The following SGSM2 variants were observed in gnomAD, a reference collection of about 807,000 sequenced individuals.
The protein encoded by SGSM2 is small G protein signaling modulator 2.
SGSM2 carries 89 observed loss-of-function variants against 126.6 expected under a neutral mutation model. That is an observed-to-expected ratio of 0.70 (90% CI 0.59 to 0.84). The LOEUF is 0.84. Ranked by LOEUF, SGSM2 falls within the 40% of genes least tolerant of loss-of-function variation. The pLI is 0.00. For missense variants in SGSM2, 1,404 were observed against 1,416.6 expected, an observed-to-expected ratio of 0.99 and a Z score of 0.14; for synonymous variants, 614 against 574.3, an observed-to-expected ratio of 1.07 and a Z score of -0.99.
intron 18 of SGSM2, 117 bp downstream of exon 18, chr17:2,375,992 G>GT: frequency 6.6e-7 from 1 of 1,514,306 alleles, no homozygotes; most frequent in Non-Finnish European, 8.8e-7. Context: ...CTGGAAGGGA[G>GT]TTCTGAGCCC....
chr17:2,337,536 C>A lies in SGSM2; in HGVS notation c.-153C>A. ...CGGAAGATGGCTGCGGAGCCGAGCA[C>A]CGGGCAGTGGCTGCGGCGGCGGCGG... On this transcript the variant is annotated 5_prime_UTR_variant, in exon 1 of 24. Coordinates refer to ENST00000268989, the MANE Select transcript of SGSM2 (RefSeq NM_014853.3). The surrounding 1 kb of genome is among the most constrained non-coding windows in gnomAD (Gnocchi z 5.1). 4.2e-6 allele frequency: 1 copy of A among 236,786 alleles called. No individual in the cohort carries two copies. The highest frequency in any genetic ancestry group is 7.2e-6 in the Non-Finnish European group (1 of 139,160). The allele number at this position is 236,786 out of a possible 1,614,324, so 14.7% of individuals were successfully genotyped here. A position where few individuals can be genotyped will look rare whatever the true frequency, so the allele number is the denominator to read the frequency against.
chr17:2,358,221 G>A (rs747951317), intron 2 of SGSM2, among the ~76,000 whole-genome samples: 6 of 152,314 alleles, frequency 3.9e-5, no homozygotes, highest in East Asian at 3.9e-4. Context: ...AGCTTGGGCC[G>A]TCATGTGGAC....
In SGSM2 at chr17:2,362,281, C is replaced by T. The variant is rs1232765293; in HGVS notation, c.458+11C>T. 12 of 1,602,648 alleles carry T rather than the reference C, an allele frequency of 7.5e-6. No individual in the cohort carries two copies. Among genetic ancestry groups the T allele is most frequent in the South Asian group, 3.3e-5 (3 of 90,230 alleles). On this transcript the variant is annotated intron_variant, in intron 4 of 23. Transcript: ENST00000268989. The surrounding 1 kb of genome is among the most constrained non-coding windows in gnomAD (Gnocchi z 4.9). ...GGCGGAAAACTGCAGGTGACCGCCC[C>T]GTTCCCCAAAAACTGCAGGTGACCA...
At chr17:2,369,850 C>A (rs1261660263) in intron 12 of SGSM2, among the ~76,000 whole-genome samples, 1 of 152,200 alleles carries the variant, frequency 6.6e-6, no homozygotes, top group East Asian at 1.9e-4. Context: ...TCCCCTTCTT[C>A]CCAGAGTCTC....
intron 1 of SGSM2, among the ~76,000 whole-genome samples, chr17:2,340,863 C>T (rs939825627): frequency 3.3e-5 from 5 of 152,220 alleles, no homozygotes; most frequent in Non-Finnish European, 5.9e-5. Flanking sequence ...GGATTATAGT[C>T]GTGAGCCACC....
chr17:2,372,555 G>A lies in SGSM2; in HGVS notation c.1788+67G>A. The A allele has an allele frequency of 6.4e-7, 1 of 1,562,930 alleles. No homozygotes were observed. The highest frequency in any genetic ancestry group is 8.6e-7 in the Non-Finnish European group (1 of 1,157,412). On this transcript the variant is annotated intron_variant, in intron 15 of 23. Transcript: ENST00000268989. This position sits in a 1 kb window ranked among gnomAD's most constrained non-coding sequence, Gnocchi z 6.0. ...GGGCGGGCAGGAGTGAGGGCTTCAG[G>A]GTAAAATGTGCCAGTGGGTGCGGTT...
chr17:2,362,202 A>G lies in SGSM2; in HGVS notation c.390A>G (p.Val130=), dbSNP rs373998365. 3 of 1,613,466 alleles carry G rather than the reference A, an allele frequency of 1.9e-6. No homozygotes were observed. Among genetic ancestry groups the G allele is most frequent in the Non-Finnish European group, 2.5e-6 (3 of 1,179,828 alleles). ...PALSPQALKH[V]WVRTALIEKV... ...TCAGCCCTCAGGCCTTGAAACACGT[A>G]TGGGTACGCACGGCGCTCATCGAGA... The change falls in exon 4 of 24, where the codon GTA becomes GTG. Residue 130 remains valine, a synonymous_variant. Transcript: ENST00000268989. This position sits in a 1 kb window ranked among gnomAD's most constrained non-coding sequence, Gnocchi z 4.9.
chr17:2,347,156 A>G (rs965366380), intron 2 of SGSM2, among the ~76,000 whole-genome samples: 2 of 152,034 alleles, frequency 1.3e-5, no homozygotes, highest in African/African-American at 4.8e-5. Flanking sequence ...CCCAGGCTGG[A>G]GTTCTGTGGT....
Position 2,372,699 on chromosome 17 carries a change from C to G in SGSM2, c.1788+211C>G. On this transcript the variant is annotated intron_variant, in intron 15 of 23. Transcript: ENST00000268989. This position sits in a 1 kb window ranked among gnomAD's most constrained non-coding sequence, Gnocchi z 6.0. ...GGAAGCCGTCCTGCCTCCACATCGCCCTGTGACCCTGGACAAAGCTTTGCC... is the reference window on the plus strand; with the variant it reads ...GGAAGCCGTCCTGCCTCCACATCGCGCTGTGACCCTGGACAAAGCTTTGCC... 1 of 811,626 alleles carries G rather than the reference C, an allele frequency of 1.2e-6. No individual in the cohort carries two copies. Among genetic ancestry groups the G allele is most frequent in the Non-Finnish European group, 1.9e-6 (1 of 516,198 alleles). The allele number at this position is 811,626 out of a possible 1,614,324, so 50.3% of individuals were successfully genotyped here. A position where few individuals can be genotyped will look rare whatever the true frequency, so the allele number is the denominator to read the frequency against.
chr17:2,344,717 T>A (rs941460434), intron 2 of SGSM2, among the ~76,000 whole-genome samples: 1 of 151,888 alleles, frequency 6.6e-6, no homozygotes, highest in Non-Finnish European at 1.5e-5. Flanking sequence ...AAAAAACATG[T>A]GGGAGGGCAG....
At chr17:2,361,093 T>C (rs2065289655) in intron 2 of SGSM2, among the ~76,000 whole-genome samples, 1 of 152,124 alleles carries the variant, frequency 6.6e-6, no homozygotes, top group South Asian at 2.1e-4. Flanking sequence ...CCCTAAACCA[T>C]GAATGAATGG....
chr17:2,339,663 G>T (rs184855313), intron 1 of SGSM2, among the ~76,000 whole-genome samples: 2 of 149,510 alleles, frequency 1.3e-5, no homozygotes, highest in African/African-American at 5.0e-5. Context: ...AGCCCAGATC[G>T]TGCCACTGCA....
intron 1 of SGSM2, among the ~76,000 whole-genome samples, chr17:2,341,863 C>T (rs561169148): frequency 6.6e-6 from 1 of 152,184 alleles, no homozygotes; most frequent in Non-Finnish European, 1.5e-5. Context: ...AAATCCCAAA[C>T]ATTTGTTCAC....
rs147437438 is a variant in SGSM2, at chr17:2,373,054, C to A, written c.1890C>A (p.Phe630Leu). 48 of 1,609,566 alleles carry A rather than the reference C, an allele frequency of 3.0e-5. No homozygotes were observed. The highest frequency in any genetic ancestry group is 1.6e-4 in the Middle Eastern group (1 of 6,076). The part of the protein sequence containing the change: ...VWPFLLGHYK[F>L]GMSKKEMEQV... The stretch of plus-strand genomic sequence containing the variant: ...CCTTTCTGCTTGGCCACTACAAGTT[C>A]GGCATGAGCAAGAAGGAGATGGAGC... The change falls in exon 16 of 24, where the codon TTC (phenylalanine) becomes TTA (leucine). Residue 630 changes from phenylalanine to leucine, a missense_variant. Phe to Leu is a conservative substitution (Grantham distance 22). Transcript: ENST00000268989.
At chr17:2,371,485 A>C (rs1187021096) in intron 13 of SGSM2, 70 bp downstream of exon 13, 2 of 1,505,828 alleles carry the variant, frequency 1.3e-6, no homozygotes, top group Non-Finnish European at 1.8e-6. Context: ...GTCTGTCCTT[A>C]AAGGCCGTGT....
intron 2 of SGSM2, among the ~76,000 whole-genome samples, chr17:2,353,258 TC>T (rs1268031729): frequency 6.6e-6 from 1 of 151,958 alleles, no homozygotes; most frequent in East Asian, 1.9e-4. Context: ...ATTCCACAGA[TC>T]CTGTTTGTTG....
intron 1 of SGSM2, 92 bp from the exon 2 acceptor site, chr17:2,343,453 G>T: frequency 7.6e-7 from 1 of 1,318,778 alleles, no homozygotes; most frequent in South Asian, 1.2e-5. Flanking sequence ...GTGCCCTTCA[G>T]ACCAGAAGGG....
At chr17:2,379,387 G>C (rs1207600554) in intron 23 of SGSM2, 45 bp from the exon 24 acceptor site, 2 of 1,586,374 alleles carry the variant, frequency 1.3e-6, no homozygotes, top group East Asian at 4.5e-5. Context: ...CTAGCCTGCT[G>C]CCCTTTCTCT....
Position 2,372,813 on chromosome 17 carries a change from C to A in SGSM2, c.1789-140C>A. The stretch of plus-strand genomic sequence containing the variant: ...TGAGCTGGGGCACGGGAGGACGTGG[C>A]CACCCCAAAGCAGGCCTTGCCTGGG... On this transcript the variant is annotated intron_variant, in intron 15 of 23. Coordinates refer to ENST00000268989, the MANE Select transcript of SGSM2 (RefSeq NM_014853.3). This position sits in a 1 kb window ranked among gnomAD's most constrained non-coding sequence, Gnocchi z 6.0. 8.3e-7 allele frequency: 1 copy of A among 1,203,190 alleles called. No individual in the cohort carries two copies. Among genetic ancestry groups the A allele is most frequent in the Non-Finnish European group, 1.1e-6 (1 of 877,654 alleles). The allele number at this position is 1,203,190 out of a possible 1,614,324, so 74.5% of individuals were successfully genotyped here.
Sources: allele counts gnomAD v4.1 joint callset (sites outside exome capture counted in the v4.1 genomes callset), GRCh38; gene constraint gnomAD v4.1.1; non-coding constraint Gnocchi (gnomAD v3.1); transcripts MANE v1.5; gene names NCBI Gene and HGNC (gene_info 2026-07-23, HGNC 2026-07-21).